The following HNF4G variants were observed in gnomAD, a reference collection of about 807,000 sequenced individuals.
HNF4G encodes the protein hepatocyte nuclear factor 4-gamma.
Under a neutral mutation model 50.9 loss-of-function variants are expected in HNF4G, and 21 were observed. The ratio of observed to expected loss-of-function variants is 0.41; its 90% CI spans 0.29 to 0.59. The LOEUF (loss-of-function observed/expected upper bound fraction) is 0.59. Among genes scored for constraint, HNF4G ranks in the 20% least tolerant of loss-of-function variants. HNF4G has a pLI of 0.26. For synonymous variants in HNF4G, 198 were observed against 185.6 expected, an observed-to-expected ratio of 1.07 and a Z score of -0.54; for missense variants, 527 against 559.4, an observed-to-expected ratio of 0.94 and a Z score of 0.58.
intron 2 of HNF4G, among the ~76,000 whole-genome samples, chr8:75,496,835 G>A (rs1204083098): frequency 6.6e-6 from 1 of 151,432 alleles, no homozygotes; most frequent in Non-Finnish European, 1.5e-5. Flanking sequence ...ATTAAAATAT[G>A]TAAAGATAGG....
At chr8:75,443,693 T>A (rs557887670) in intron 1 of HNF4G, among the ~76,000 whole-genome samples, 16 of 152,286 alleles carry the variant, frequency 1.1e-4, no homozygotes, top group African/African-American at 3.9e-4. Context: ...AGTAAGAACA[T>A]GTGATATATA....
upstream of HNF4G, chr8:75,407,975 C>T (rs777425443): frequency 1.3e-5 from 2 of 152,020 alleles, no homozygotes; most frequent in Non-Finnish European, 2.9e-5. Flanking sequence ...GTAAGTTTCT[C>T]CGCCGCCGCC....
chr8:75,425,062 C>CTATTTATTTATT (rs71271860), intron 1 of HNF4G, among the ~76,000 whole-genome samples: 16,195 of 142,472 alleles, frequency 0.11, 1,049 homozygotes, highest in East Asian at 0.15. Context: ...TCAATGCAGC[C>CTATTTATTTATT]TATTTATTTA....
intron 2 of HNF4G, among the ~76,000 whole-genome samples, chr8:75,520,101 A>G (rs1806001068): frequency 6.6e-6 from 1 of 151,926 alleles, no homozygotes; most frequent in Non-Finnish European, 1.5e-5. Flanking sequence ...CTTAGATATT[A>G]TAAGTGCTTT....
chr8:75,456,594 C>G (rs564472270), intron 1 of HNF4G, among the ~76,000 whole-genome samples: 1 of 151,978 alleles, frequency 6.6e-6, no homozygotes, highest in Non-Finnish European at 1.5e-5. Flanking sequence ...TCAAATATTT[C>G]CTTAGAAAGG....
intron 2 of HNF4G, among the ~76,000 whole-genome samples, chr8:75,531,901 T>C (rs979159474): frequency 2.6e-5 from 4 of 152,216 alleles, no homozygotes; most frequent in Middle Eastern, 3.4e-3. Context: ...ATTGGCCATA[T>C]ACACCAAATA....
At chr8:75,460,596 A>G (rs999687692) in intron 1 of HNF4G, among the ~76,000 whole-genome samples, 3 of 152,190 alleles carry the variant, frequency 2.0e-5, no homozygotes, top group Admixed American at 6.5e-5. Flanking sequence ...CAATGATAGG[A>G]CAATATTATG....
chr8:75,495,232 T>C (rs780226801), intron 2 of HNF4G, among the ~76,000 whole-genome samples: 1 of 152,222 alleles, frequency 6.6e-6, no homozygotes, highest in Non-Finnish European at 1.5e-5. Context: ...TTTCGTATCA[T>C]GCAGAGTCAT....
chr8:75,548,800 T>A (rs899166426), intron 3 of HNF4G, among the ~76,000 whole-genome samples: 1 of 152,204 alleles, frequency 6.6e-6, no homozygotes, highest in Non-Finnish European at 1.5e-5. Flanking sequence ...ATGAAGCCCA[T>A]CTTTAACATA....
At chr8:75,413,182 G>A (rs1180944421) in intron 1 of HNF4G, among the ~76,000 whole-genome samples, 10 of 151,612 alleles carry the variant, frequency 6.6e-5, no homozygotes, top group Admixed American at 2.0e-4. Context: ...GCAAGGCACC[G>A]GGAAGCCATC....
chr8:75,507,514 C>T (rs1329445106), intron 2 of HNF4G, among the ~76,000 whole-genome samples: 1 of 152,190 alleles, frequency 6.6e-6, no homozygotes, highest in African/African-American at 2.4e-5. Flanking sequence ...CTGCCTTGGC[C>T]TCCCAGTGGG....
intron 2 of HNF4G, among the ~76,000 whole-genome samples, chr8:75,505,109 A>G (rs948222516): frequency 1.3e-5 from 2 of 152,126 alleles, no homozygotes; most frequent in Non-Finnish European, 2.9e-5. Flanking sequence ...GTTTCGAGGG[A>G]AGGTCTCTGT....
At chr8:75,558,463 T>G in intron 6 of HNF4G, 55 bp from the exon 7 acceptor site, 1 of 1,540,786 alleles carries the variant, frequency 6.5e-7, no homozygotes, top group Non-Finnish European at 8.8e-7. Flanking sequence ...GTGCTGACAA[T>G]TTGGGGAGAC....
intron 1 of HNF4G, among the ~76,000 whole-genome samples, chr8:75,478,843 C>A (rs1349968948): frequency 6.6e-6 from 1 of 152,184 alleles, no homozygotes; most frequent in Non-Finnish European, 1.5e-5. Flanking sequence ...CCTGCCTCAG[C>A]CTCCCAAGCA....
intron 1 of HNF4G, among the ~76,000 whole-genome samples, chr8:75,476,314 A>G (rs1457682954): frequency 6.6e-6 from 1 of 152,158 alleles, no homozygotes; most frequent in Non-Finnish European, 1.5e-5. Flanking sequence ...TATATATACC[A>G]CATTTTCTTT....
In HNF4G at chr8:75,503,469, ATGT is replaced by A. The variant is rs577633699; in HGVS notation, c.-24+13265_-24+13267del. On this transcript the variant is annotated intron_variant, in intron 2 of 10. Transcript: ENST00000354370. ...CAGTGTCTCTGGCTTCCAGTGAGAGATGTTGTCAAGATATTCTTACAACAGCTT... is the reference window on the plus strand; with the variant it reads ...CAGTGTCTCTGGCTTCCAGTGAGAGATGTCAAGATATTCTTACAACAGCTT... Among the ~76,000 whole-genome samples, 57 of 152,316 alleles carry A rather than the reference ATGT, an allele frequency of 3.7e-4. 1 individual carries two copies. Among genetic ancestry groups the A allele is most frequent in the East Asian group, 2.3e-3 (12 of 5,184 alleles).
At chr8:75,414,224 G>A (rs1278388184) in intron 1 of HNF4G, among the ~76,000 whole-genome samples, 6 of 151,762 alleles carry the variant, frequency 4.0e-5, no homozygotes, top group Admixed American at 3.9e-4. Flanking sequence ...CATTAATGTT[G>A]CCTTTTCCAG....
At chr8:75,438,834 A>G (rs991508261) in intron 1 of HNF4G, among the ~76,000 whole-genome samples, 6 of 152,158 alleles carry the variant, frequency 3.9e-5, no homozygotes, top group Admixed American at 1.3e-4. Context: ...AAAGATTAGC[A>G]GATCTATGTA....
At chr8:75,423,845 T>C (rs1325893788) in intron 1 of HNF4G, among the ~76,000 whole-genome samples, 8 of 96,146 alleles carry the variant, frequency 8.3e-5, no homozygotes, top group African/African-American at 3.5e-4. Context: ...TTTTTTTTGA[T>C]AAGGAGTCTC....
Sources: gnomAD v4.1 joint callset for allele counts (sites outside exome capture counted in the v4.1 genomes callset) on GRCh38, gnomAD v4.1.1 for gene constraint, MANE v1.5 for transcripts, NCBI Gene and HGNC (gene_info 2026-07-23, HGNC 2026-07-21) for gene names.